Variants in MACROD2 observed in about 807,000 individuals in gnomAD.
MACROD2 encodes the protein ADP-ribose glycohydrolase MACROD2.
In MACROD2, 36 loss-of-function variants were observed where a neutral mutation model predicts 70.4. The ratio of observed to expected loss-of-function variants is 0.51; its 90% CI spans 0.39 to 0.68. The LOEUF (loss-of-function observed/expected upper bound fraction) is 0.68, where lower values mean the gene tolerates loss of function less well. MACROD2 is among the 30% of genes least tolerant of loss of function. MACROD2 has a pLI of 0.00. For missense variants in MACROD2, 496 were observed against 538.4 expected, an observed-to-expected ratio of 0.92 and a Z score of 0.78; for synonymous variants, 172 against 178.8, an observed-to-expected ratio of 0.96 and a Z score of 0.30.
intron 8 of MACROD2, among the ~76,000 whole-genome samples, chr20:15,784,677 A>G (rs1178321570): frequency 6.6e-6 from 1 of 152,140 alleles, no homozygotes; most frequent in Non-Finnish European, 1.5e-5. Context: ...TGATGAATGG[A>G]TGGAGAAATA....
intron 5 of MACROD2, among the ~76,000 whole-genome samples, chr20:15,144,131 T>C (rs457862): frequency 0.59 from 89,504 of 151,818 alleles, 26,513 homozygotes; most frequent in East Asian, 0.65. Context: ...CATGTATATA[T>C]TTTTAATTTT....
At chr20:15,389,956 G>A (rs1048874396) in intron 6 of MACROD2, among the ~76,000 whole-genome samples, 1 of 152,108 alleles carries the variant, frequency 6.6e-6, no homozygotes, top group Non-Finnish European at 1.5e-5. Context: ...AAGAGACCAG[G>A]GAACCTTGAG....
chr20:15,904,560 C>A (rs2065114352), intron 10 of MACROD2, among the ~76,000 whole-genome samples: 1 of 151,866 alleles, frequency 6.6e-6, no homozygotes, highest in South Asian at 2.1e-4. Flanking sequence ...CATGTAATTG[C>A]TGTCATTTAT....
At chr20:14,278,821 A>G (rs1045209536) in intron 3 of MACROD2, among the ~76,000 whole-genome samples, 2 of 151,976 alleles carry the variant, frequency 1.3e-5, no homozygotes, top group African/African-American at 4.8e-5. Flanking sequence ...AATAATCAGT[A>G]AGTTTTAAGT....
chr20:14,386,926 T>C (rs977109493), intron 3 of MACROD2, among the ~76,000 whole-genome samples: 1 of 151,538 alleles, frequency 6.6e-6, no homozygotes, highest in African/African-American at 2.4e-5. Flanking sequence ...TCACCAGGAG[T>C]GTGTGATGCA....
chr20:14,108,770 C>T (rs1390879153), intron 3 of MACROD2, among the ~76,000 whole-genome samples: 1 of 151,904 alleles, frequency 6.6e-6, no homozygotes, highest in Non-Finnish European at 1.5e-5. Context: ...ACAGCAAATA[C>T]TATTATTAGA....
intron 5 of MACROD2, among the ~76,000 whole-genome samples, chr20:15,129,998 C>G (rs1345688454): frequency 6.6e-6 from 1 of 152,056 alleles, no homozygotes; most frequent in Non-Finnish European, 1.5e-5. Flanking sequence ...CCCTGTGCTT[C>G]CTGGTCACCC....
chr20:15,585,991 T>TG (rs1228421075), intron 8 of MACROD2, among the ~76,000 whole-genome samples: 1 of 152,152 alleles, frequency 6.6e-6, no homozygotes, highest in African/African-American at 2.4e-5. Context: ...TCTTTCTGAT[T>TG]GGGGAAGGAC....
At chr20:14,755,488 A>AT in intron 5 of MACROD2, among the ~76,000 whole-genome samples, 1 of 152,104 alleles carries the variant, frequency 6.6e-6, no homozygotes, top group Admixed American at 6.5e-5. Flanking sequence ...TGCAGCCCTC[A>AT]TGAGCATTGG....
In MACROD2 at chr20:15,043,324, G is replaced by A. The variant is rs112448881; in HGVS notation, c.419-186616G>A. On this transcript the variant is annotated intron_variant, in intron 5 of 17. Transcript: ENST00000684519. Reference sequence around the variant, plus strand: ...TCAGTGCCTGCATTCTTGCATAGGAGCAGCCAGCTGGCTGGGGCTGTGCCT... The same window carrying A: ...TCAGTGCCTGCATTCTTGCATAGGAACAGCCAGCTGGCTGGGGCTGTGCCT... Among the ~76,000 whole-genome samples, 1,039 of 152,352 alleles carry A rather than the reference G, an allele frequency of 6.8e-3. 14 individuals are homozygous for A. The highest frequency in any genetic ancestry group is 0.024 in the African/African-American group (995 of 41,580).
At chr20:14,613,284 G>A (rs114685084) in intron 4 of MACROD2, among the ~76,000 whole-genome samples, 11 of 152,192 alleles carry the variant, frequency 7.2e-5, no homozygotes, top group African/African-American at 2.6e-4. Flanking sequence ...TGATTCATAC[G>A]CATTCCCCAG....
At chr20:14,117,567 G>T (rs1357440255) in intron 3 of MACROD2, among the ~76,000 whole-genome samples, 1 of 152,136 alleles carries the variant, frequency 6.6e-6, no homozygotes, top group Non-Finnish European at 1.5e-5. Flanking sequence ...AAACCGAGAG[G>T]AGGCCAGTAT....
At chr20:14,414,328 C>G (rs1426606287) in intron 3 of MACROD2, among the ~76,000 whole-genome samples, 1 of 152,134 alleles carries the variant, frequency 6.6e-6, no homozygotes, top group Admixed American at 6.5e-5. Context: ...CGTAGTCGCT[C>G]TTTACTTTTC....
intron 5 of MACROD2, among the ~76,000 whole-genome samples, chr20:14,709,521 C>T (rs989242645): frequency 1.3e-5 from 2 of 152,066 alleles, no homozygotes; most frequent in Admixed American, 6.5e-5. Context: ...TATTTAGATT[C>T]AAATTTAATA....
chr20:16,019,639 G>A (rs775613851), intron 15 of MACROD2, among the ~76,000 whole-genome samples: 43 of 152,170 alleles, frequency 2.8e-4, no homozygotes, highest in Non-Finnish European at 5.9e-5. Context: ...TAGGGCTTCA[G>A]TAACCACAAT....
rs2065560424 is a variant in MACROD2, at chr20:15,930,579, C to G, written c.776-2697C>G. Among the ~76,000 whole-genome samples, 4 of 152,136 alleles carry G rather than the reference C, an allele frequency of 2.6e-5. No individual in the cohort carries two copies. In the South Asian group the frequency reaches 8.3e-4, roughly 32 times the overall value. ...GGACATGTTACTGGAATGGCAAATC[C>G]AGCATTCTTCTAGAAAGCATTTGCT... On this transcript the variant is annotated intron_variant, in intron 10 of 17. Coordinates refer to ENST00000684519, the MANE Select transcript of MACROD2 (RefSeq NM_001351661.2).
intron 3 of MACROD2, among the ~76,000 whole-genome samples, chr20:14,290,118 C>T (rs78367296): frequency 0.019 from 2,830 of 152,130 alleles, 90 homozygotes; most frequent in African/African-American, 0.065. Flanking sequence ...CAGTTACCAC[C>T]ACAGCTGTTT....
chr20:14,264,290 G>A (rs866049145), intron 3 of MACROD2, among the ~76,000 whole-genome samples: 1 of 152,160 alleles, frequency 6.6e-6, no homozygotes. Context: ...AAGCTTACAG[G>A]AGAAAGAGCA....
rs189609999 is a variant in MACROD2 at position 14,302,066 on chromosome 20, T to G, written c.272-191413T>G. 1.8e-3 allele frequency among the ~76,000 whole-genome samples: 280 copies of G among 152,380 alleles called. 2 individuals carry two copies. The highest frequency in any genetic ancestry group is 3.2e-3 in the Non-Finnish European group (216 of 68,040). On this transcript the variant is annotated intron_variant, in intron 3 of 17. Coordinates refer to ENST00000684519, the MANE Select transcript of MACROD2 (RefSeq NM_001351661.2). The stretch of plus-strand genomic sequence containing the variant: ...ATATAATTACTACAGAATTACTGTC[T>G]TAAAACAACATGCATTTATTATCTC...
Sources: gnomAD v4.1 joint callset for allele counts (sites outside exome capture counted in the v4.1 genomes callset) on GRCh38, gnomAD v4.1.1 for gene constraint, MANE v1.5 for transcripts, NCBI Gene and HGNC (gene_info 2026-07-23, HGNC 2026-07-21) for gene names.